The following ZNF148 variants were observed in gnomAD, a reference collection of about 807,000 sequenced individuals.
ZNF148 encodes zinc finger protein 148.
ZNF148 carries 7 observed loss-of-function variants against 67.7 expected under a neutral mutation model. The observed-to-expected ratio is 0.10, with a 90% confidence interval of 0.06 to 0.19. ZNF148 has a LOEUF of 0.19. ZNF148 is among the 10% of genes least tolerant of loss of function. The pLI, the probability that ZNF148 is intolerant of heterozygous loss-of-function variation, is 1.00. For synonymous variants in ZNF148, 333 were observed against 330.7 expected, an observed-to-expected ratio of 1.01 and a Z score of -0.08; for missense variants, 583 against 947.1, an observed-to-expected ratio of 0.62 and a Z score of 5.05.
chr3:125,360,492 C>T (rs575364755), intron 1 of ZNF148, among the ~76,000 whole-genome samples: 9 of 151,972 alleles, frequency 5.9e-5, no homozygotes, highest in African/African-American at 2.2e-4. Context: ...CCCTATGTTG[C>T]CCAGGCTGGT....
At chr3:125,252,105 T>C (rs1384598597) in intron 7 of ZNF148, among the ~76,000 whole-genome samples, 3 of 152,242 alleles carry the variant, frequency 2.0e-5, no homozygotes, top group African/African-American at 7.2e-5. Flanking sequence ...GAAGTGTCTA[T>C]TCAAGCACTC....
At chr3:125,239,567 G>A (rs560636140) in intron 7 of ZNF148, among the ~76,000 whole-genome samples, 1 of 152,158 alleles carries the variant, frequency 6.6e-6, no homozygotes, top group African/African-American at 2.4e-5. Context: ...TACAAGGCTG[G>A]TAGAACTGTA....
chr3:125,267,468 A>G lies in ZNF148; in HGVS notation c.667+10258T>C, dbSNP rs1173161608. Among the ~76,000 whole-genome samples the G allele has an allele frequency of 2.0e-5, 3 of 152,176 alleles. No individual in the cohort carries two copies. The East Asian group carries it at 5.8e-4, about 29-fold the overall frequency. ...CAAATAAACAGAATTAAAAACAAAA[A>G]TCACATAATCATATGATCATCTCAA... On this transcript the variant is annotated intron_variant, in intron 7 of 8. Coordinates refer to ENST00000360647, the MANE Select transcript of ZNF148 (RefSeq NM_021964.3).
At chr3:125,272,176 A>G (rs961754817) in intron 7 of ZNF148, among the ~76,000 whole-genome samples, 6 of 152,196 alleles carry the variant, frequency 3.9e-5, no homozygotes, top group African/African-American at 1.4e-4. Flanking sequence ...ACCAATCTGA[A>G]TTGTCTGGTC....
rs1195184059 is a variant in ZNF148, at chr3:125,231,114, AAC to A, written c.*1225_*1226del. 4 of 152,546 alleles carry A rather than the reference AAC, an allele frequency of 2.6e-5. No individual in the cohort carries two copies. Among genetic ancestry groups the A allele is most frequent in the East Asian group, 3.8e-4 (2 of 5,204 alleles). 9.4% of individuals were successfully genotyped at this position (152,546 alleles called of 1,614,324 possible). ...GAAATGGTAGTTACTGGAATTAGTA[AAC>A]ACTTTTGGTTTGTAAAGTTGTAATG... On this transcript the variant is annotated 3_prime_UTR_variant, in exon 9 of 9. Coordinates refer to ENST00000360647, the MANE Select transcript of ZNF148 (RefSeq NM_021964.3).
At chr3:125,273,968 G>A (rs901376922) in intron 7 of ZNF148, among the ~76,000 whole-genome samples, 1 of 152,158 alleles carries the variant, frequency 6.6e-6, no homozygotes, top group Admixed American at 6.5e-5. Flanking sequence ...ATTAAAAATT[G>A]TACTTAAGTT....
intron 1 of ZNF148, among the ~76,000 whole-genome samples, chr3:125,342,195 C>T (rs1941756162): frequency 6.6e-6 from 1 of 151,684 alleles, no homozygotes; most frequent in East Asian, 1.9e-4. Context: ...GGGAGTGGGG[C>T]TCAAACACTA....
At chr3:125,249,546 G>T (rs1936745176) in intron 7 of ZNF148, among the ~76,000 whole-genome samples, 1 of 151,984 alleles carries the variant, frequency 6.6e-6, no homozygotes, top group South Asian at 2.1e-4. Flanking sequence ...GTGAAGAAAA[G>T]AAACCACTGC....
chr3:125,302,184 C>A (rs1364766433), intron 4 of ZNF148, among the ~76,000 whole-genome samples: 1 of 151,954 alleles, frequency 6.6e-6, no homozygotes, highest in Non-Finnish European at 1.5e-5. Context: ...CAAGAGCAGT[C>A]TGGACAACAT....
At chr3:125,312,916 A>G (rs1940294132) in intron 4 of ZNF148, among the ~76,000 whole-genome samples, 1 of 152,224 alleles carries the variant, frequency 6.6e-6, no homozygotes, top group African/African-American at 2.4e-5. Context: ...AGCATATTAG[A>G]AAAATTTAAG....
intron 1 of ZNF148, among the ~76,000 whole-genome samples, chr3:125,372,284 A>T (rs970259064): frequency 2.6e-5 from 4 of 152,226 alleles, no homozygotes; most frequent in Admixed American, 2.6e-4. Context: ...CAGGAAAGCC[A>T]TACCTAGGCT....
intron 7 of ZNF148, among the ~76,000 whole-genome samples, chr3:125,275,373 A>G (rs1460602211): frequency 6.6e-6 from 1 of 152,172 alleles, no homozygotes; most frequent in African/African-American, 2.4e-5. Flanking sequence ...CTAAGCCATA[A>G]TTGGCTTAGT....
intron 1 of ZNF148, among the ~76,000 whole-genome samples, chr3:125,352,605 G>A (rs1406579337): frequency 6.6e-6 from 1 of 151,104 alleles, no homozygotes; most frequent in Non-Finnish European, 1.5e-5. Context: ...AAATAACATG[G>A]AAGATCTAAG....
chr3:125,368,152 T>A (rs954095593), intron 1 of ZNF148, among the ~76,000 whole-genome samples: 5 of 152,222 alleles, frequency 3.3e-5, no homozygotes, highest in African/African-American at 1.2e-4. Flanking sequence ...GCACTTACTG[T>A]CTGTAAAACT....
At chr3:125,240,818 AC>A (rs1450247233) in intron 7 of ZNF148, among the ~76,000 whole-genome samples, 1 of 151,950 alleles carries the variant, frequency 6.6e-6, no homozygotes, top group Non-Finnish European at 1.5e-5. Context: ...AGAAACATTA[AC>A]GCCTTAAAAG....
chr3:125,307,882 A>T (rs1216373180), intron 4 of ZNF148, among the ~76,000 whole-genome samples: 1 of 149,844 alleles, frequency 6.7e-6, no homozygotes, highest in Admixed American at 6.7e-5. Context: ...GAAGTTCTTA[A>T]CTCAAGCAAT....
intron 4 of ZNF148, among the ~76,000 whole-genome samples, chr3:125,307,704 G>A (rs1939960847): frequency 6.6e-6 from 1 of 152,062 alleles, no homozygotes. Context: ...GAGTACAATG[G>A]TGTGATCTTG....
At chr3:125,304,085 C>T (rs189937085) in intron 4 of ZNF148, among the ~76,000 whole-genome samples, 51 of 152,108 alleles carry the variant, frequency 3.4e-4, no homozygotes, top group African/African-American at 1.2e-3. Context: ...CCTGCTCTTG[C>T]CTATCCTCTT....
intron 7 of ZNF148, among the ~76,000 whole-genome samples, chr3:125,240,535 G>A (rs968808772): frequency 2.0e-4 from 31 of 152,216 alleles, no homozygotes; most frequent in African/African-American, 7.2e-4. Flanking sequence ...AGGTTCAGGC[G>A]GGAGGATCAC....
Sources: gnomAD v4.1 joint callset for allele counts (sites outside exome capture counted in the v4.1 genomes callset) on GRCh38, gnomAD v4.1.1 for gene constraint, MANE v1.5 for transcripts, NCBI Gene and HGNC (gene_info 2026-07-23, HGNC 2026-07-21) for gene names.